The following WNT7A variants were observed in gnomAD, a reference collection of about 807,000 sequenced individuals.
The protein encoded by WNT7A is Wnt family member 7A.
Under a neutral mutation model 28.2 loss-of-function variants are expected in WNT7A, and 16 were observed. The ratio of observed to expected loss-of-function variants is 0.57; its 90% CI spans 0.38 to 0.86. The LOEUF (loss-of-function observed/expected upper bound fraction) is 0.86. Among genes scored for constraint, WNT7A ranks in the 40% least tolerant of loss-of-function variants. The pLI is 0.00. For missense variants in WNT7A, 411 were observed against 489.7 expected (o/e 0.84, Z 1.52); for synonymous variants, 190 against 195.9 (o/e 0.97, Z 0.25).
At chr3:13,860,745 T>C (rs1182632033) in intron 2 of WNT7A, among the ~76,000 whole-genome samples, 2 of 152,136 alleles carry the variant, frequency 1.3e-5, no homozygotes, top group African/African-American at 4.8e-5. Flanking sequence ...ACAGCCCTTC[T>C]CTCAGCTGTA....
chr3:13,836,792 T>A (rs1454925038), intron 3 of WNT7A, among the ~76,000 whole-genome samples: 3 of 151,972 alleles, frequency 2.0e-5, no homozygotes, highest in Non-Finnish European at 4.4e-5. Context: ...TGAAGAGGAG[T>A]TCGCCACTGG....
Position 13,818,968 on chromosome 3 carries a change from G to A in WNT7A, c.1026C>T (p.Arg342=), listed in dbSNP as rs369314761. 3.1e-6 allele frequency: 5 copies of A among 1,589,954 alleles called. No individual in the cohort carries two copies. In the African/African-American group the frequency reaches 5.4e-5, roughly 17 times the overall value. ...CTCACTTGCACGTGTACATCTCCGT[G>A]CGCTCGCTGCACGTGTTGCACTTGA... ...CYVKCNTCSE[R]TEMYTCK The change falls in exon 4 of 4, where the codon CGC becomes CGT. Residue 342 remains arginine (R), a synonymous_variant. Transcript: ENST00000285018.
intron 2 of WNT7A, among the ~76,000 whole-genome samples, chr3:13,860,127 G>A (rs1559304246): frequency 1.3e-5 from 2 of 152,102 alleles, no homozygotes; most frequent in East Asian, 1.9e-4. Flanking sequence ...CCTAGGTTCC[G>A]GACCCATGCT....
intron 2 of WNT7A, among the ~76,000 whole-genome samples, chr3:13,867,177 GGTGGGT>G (rs1694924547): frequency 6.6e-6 from 1 of 152,130 alleles, no homozygotes; most frequent in South Asian, 2.1e-4. Context: ...CACCTAGCAA[GGTGGGT>G]GTGTGGCTCC....
At chr3:13,859,331 C>T (rs950290030) in intron 2 of WNT7A, among the ~76,000 whole-genome samples, 1 of 152,202 alleles carries the variant, frequency 6.6e-6, no homozygotes, top group Non-Finnish European at 1.5e-5. Context: ...CTGCCAAAAG[C>T]TGTGTGACCT....
intron 3 of WNT7A, among the ~76,000 whole-genome samples, chr3:13,832,653 CTT>C (rs111520215): frequency 1.1e-4 from 17 of 148,474 alleles, no homozygotes; most frequent in South Asian, 2.1e-4. Context: ...GAAAAAATGG[CTT>C]TTTTTTTTTT....
intron 3 of WNT7A, among the ~76,000 whole-genome samples, chr3:13,833,234 C>T (rs560190995): frequency 6.6e-6 from 1 of 152,336 alleles, no homozygotes; most frequent in African/African-American, 2.4e-5. Context: ...TGTGCGCACA[C>T]TCACACACTC....
intron 1 of WNT7A, among the ~76,000 whole-genome samples, chr3:13,878,190 G>C (rs1054055971): frequency 3.3e-5 from 5 of 152,100 alleles, no homozygotes; most frequent in Admixed American, 6.5e-5. Context: ...GCGCCGGCGG[G>C]AGGGCGGCCC....
In WNT7A at chr3:13,826,920, C is replaced by T. The variant is rs376675882; in HGVS notation, c.571-7497G>A. Among the ~76,000 whole-genome samples, 163 of 152,326 alleles carry T rather than the reference C, an allele frequency of 1.1e-3. 1 individual carries two copies. Among genetic ancestry groups the T allele is most frequent in the African/African-American group, 3.2e-3 (131 of 41,568 alleles). ...TAAAGAAGGGGATGGTCTTCCTATACAGTTTTCAGAACTGGACTATGCCTC... is the reference window on the plus strand; with the variant it reads ...TAAAGAAGGGGATGGTCTTCCTATATAGTTTTCAGAACTGGACTATGCCTC... On this transcript the variant is annotated intron_variant, in intron 3 of 3. Transcript: ENST00000285018.
At chr3:13,836,827 G>A (rs948218161) in intron 3 of WNT7A, among the ~76,000 whole-genome samples, 1 of 152,258 alleles carries the variant, frequency 6.6e-6, no homozygotes, top group Admixed American at 6.5e-5. Flanking sequence ...GGTATCACCT[G>A]TGCCTGAGCA....
At chr3:13,861,316 A>G (rs533713091) in intron 2 of WNT7A, among the ~76,000 whole-genome samples, 9 of 152,108 alleles carry the variant, frequency 5.9e-5, no homozygotes, top group African/African-American at 2.2e-4. Flanking sequence ...CAGAGGAAGA[A>G]CCTCCCTCAA....
chr3:13,869,709 G>T (rs1478924338), intron 2 of WNT7A, among the ~76,000 whole-genome samples: 2 of 148,010 alleles, frequency 1.4e-5, no homozygotes, highest in African/African-American at 2.5e-5. Flanking sequence ...AAGAAGGAGA[G>T]AAAGAAAGAA....
At chr3:13,854,921 T>C in intron 2 of WNT7A, 118 bp from the exon 3 acceptor site, 1 of 1,365,166 alleles carries the variant, frequency 7.3e-7, no homozygotes, top group Non-Finnish European at 1.0e-6. Flanking sequence ...AAAGCTCGAC[T>C]GAGTACCCGT....
chr3:13,875,003 C>A lies in WNT7A; in HGVS notation c.242G>T (p.Arg81Leu). Reference sequence around the variant, plus strand: ...CTCTCCCAGTGCAGAGCAGTTCCAGCGGCCATTGCGGAACTGAAACTGACA... The same window carrying A: ...CTCTCCCAGTGCAGAGCAGTTCCAGAGGCCATTGCGGAACTGAAACTGACA... ...DECQFQFRNG[R>L]WNCSALGERT... The change falls in exon 2 of 4, where the codon CGC becomes CTC. Residue 81 changes from arginine to leucine, a missense_variant. Transcript: ENST00000285018. The A allele has an allele frequency of 6.2e-7, 1 of 1,614,202 alleles. No homozygotes were observed. Among genetic ancestry groups the A allele is most frequent in the Non-Finnish European group, 8.5e-7 (1 of 1,180,050 alleles).
At chr3:13,839,800 A>G (rs2124844032) in intron 3 of WNT7A, among the ~76,000 whole-genome samples, 1 of 152,324 alleles carries the variant, frequency 6.6e-6, no homozygotes. Context: ...GAGGTGCCAC[A>G]TGTTGCCCAG....
At chr3:13,872,870 C>CTGAGAGGCCCTGCCACTCATT (rs1695046644) in intron 2 of WNT7A, among the ~76,000 whole-genome samples, 1 of 152,168 alleles carries the variant, frequency 6.6e-6, no homozygotes, top group African/African-American at 2.4e-5. Flanking sequence ...GAACCCAGTC[C>CTGAGAGGCCCTGCCACTCATT]TGAGAGGCCC....
intron 2 of WNT7A, among the ~76,000 whole-genome samples, chr3:13,862,463 G>A (rs914986200): frequency 5.3e-5 from 8 of 152,198 alleles, no homozygotes; most frequent in Non-Finnish European, 8.8e-5. Context: ...AAAGCCAATG[G>A]GTCAGAGAGC....
Position 13,818,766 on chromosome 3 carries a change from A to G in WNT7A, c.*178T>C. The G allele has an allele frequency of 1.0e-6, 1 of 952,952 alleles. No individual in the cohort carries two copies. Among genetic ancestry groups the G allele is most frequent in the Non-Finnish European group, 1.5e-6 (1 of 667,018 alleles). The allele number at this position is 952,952 out of a possible 1,614,324, so 59.0% of individuals were successfully genotyped here. The stretch of plus-strand genomic sequence containing the variant: ...AGCAGCATTGGGTGTGGAACAGAAT[A>G]GTTGAGGGCTCTGAGAGATTTTTTT... On this transcript the variant is annotated 3_prime_UTR_variant, in exon 4 of 4. Transcript: ENST00000285018.
At chr3:13,821,754 T>C (rs1694112959) in intron 3 of WNT7A, among the ~76,000 whole-genome samples, 1 of 152,110 alleles carries the variant, frequency 6.6e-6, no homozygotes, top group African/African-American at 2.4e-5. Context: ...TCCACCAATA[T>C]CAAGACAAGG....
Sources: allele counts gnomAD v4.1 joint callset (sites outside exome capture counted in the v4.1 genomes callset), GRCh38; gene constraint gnomAD v4.1.1; transcripts MANE v1.5; gene names NCBI Gene and HGNC (gene_info 2026-07-23, HGNC 2026-07-21).